Variants in PLCH1 observed in about 807,000 individuals in gnomAD.
PLCH1 encodes the protein 1-phosphatidylinositol 4,5-bisphosphate phosphodiesterase eta-1.
A neutral mutation model predicts 126.7 loss-of-function variants in PLCH1; 60 were observed. The ratio of observed to expected loss-of-function variants is 0.47; its 90% confidence interval spans 0.38 to 0.59. PLCH1 has a LOEUF of 0.59. Among genes scored for constraint, PLCH1 ranks in the 20% least tolerant of loss-of-function variants. The pLI is 0.00. For synonymous variants in PLCH1, 719 were observed against 734.9 expected (o/e 0.98, Z 0.35); for missense variants, 1,723 against 2,040.0 (o/e 0.84, Z 2.99).
chr3:155,573,013 G>A (rs1462935115), intron 6 of PLCH1, among the ~76,000 whole-genome samples: 1 of 152,136 alleles, frequency 6.6e-6, no homozygotes, highest in Non-Finnish European at 1.5e-5. Flanking sequence ...CTCCCAATGT[G>A]CTGGAATTTT....
chr3:155,740,158 C>G (rs751420619), intron 1 of PLCH1, among the ~76,000 whole-genome samples: 1 of 152,032 alleles, frequency 6.6e-6, no homozygotes, highest in Non-Finnish European at 1.5e-5. Flanking sequence ...GGCCTGTAAT[C>G]CCAGCACTTT....
At chr3:155,652,238 T>C (rs1740785905) in intron 2 of PLCH1, among the ~76,000 whole-genome samples, 1 of 152,208 alleles carries the variant, frequency 6.6e-6, no homozygotes. Context: ...GCTGTTCACA[T>C]TTTTTTGAGC....
Position 155,566,272 on chromosome 3 carries a change from CATATATACAT to C in PLCH1, c.866-1164_866-1155del, listed in dbSNP as rs1365141411. 2.7e-3 allele frequency among the ~76,000 whole-genome samples: 75 copies of C among 27,652 alleles called. 13 individuals are homozygous for C. In the East Asian group the frequency reaches 0.056, roughly 21 times the overall value. 18.1% of individuals were successfully genotyped at this position (27,652 alleles called of 152,430 possible). On this transcript the variant is annotated intron_variant, in intron 7 of 22. Coordinates refer to ENST00000460012, the MANE Select transcript of PLCH1 (RefSeq NM_014996.4). The stretch of plus-strand genomic sequence containing the variant: ...ATACGTATATATACACATATATATA[CATATATACAT>C]ATATATACGTATATATACACATATA...
intron 21 of PLCH1, among the ~76,000 whole-genome samples, chr3:155,468,512 C>A (rs1214702719): frequency 6.6e-6 from 1 of 152,042 alleles, no homozygotes; most frequent in Non-Finnish European, 1.5e-5. Context: ...TTCACCTACA[C>A]GGACACACAT....
intron 1 of PLCH1, among the ~76,000 whole-genome samples, chr3:155,712,130 T>C (rs1388058358): frequency 2.0e-5 from 3 of 152,234 alleles, no homozygotes; most frequent in Admixed American, 1.3e-4. Context: ...TACGTCAGCA[T>C]AGCAAAATGT....
intron 2 of PLCH1, among the ~76,000 whole-genome samples, chr3:155,684,775 A>T (rs908200278): frequency 6.6e-6 from 1 of 152,190 alleles, no homozygotes; most frequent in African/African-American, 2.4e-5. Context: ...CTCTACAGAA[A>T]TGAAAAATCA....
rs964253024 is a variant in PLCH1, at chr3:155,500,748, T to C, written c.1751A>G (p.Glu584Gly). The change falls in exon 14 of 23, where the codon GAA (glutamate) becomes GGA (glycine). Residue 584 changes from glutamate (E) to glycine (G), a missense_variant. Physicochemically the swap from Glu to Gly is moderately conservative, Grantham distance 98 (BLOSUM62 -2). Around this residue, in one of 2 missense-constraint regions of PLCH1, gnomAD observed 776 missense variants for 1,062.9 expected, o/e 0.73. Coordinates refer to ENST00000460012, the MANE Select transcript of PLCH1 (RefSeq NM_014996.4). ...RSKSYSTDDE[E>G]DTQQSTGKEG... ...CTTGCCAGTACTCTGCTGTGTGTCTTCCTCATCATCAGTACTGTAAGATTT... is the reference window on the plus strand; with the variant it reads ...CTTGCCAGTACTCTGCTGTGTGTCTCCCTCATCATCAGTACTGTAAGATTT... The C allele has an allele frequency of 1.9e-5, 31 of 1,613,696 alleles. No individual in the cohort carries two copies. Among genetic ancestry groups the C allele is most frequent in the Non-Finnish European group, 2.5e-5 (30 of 1,179,710 alleles).
In PLCH1 at chr3:155,480,032, T is replaced by C. The variant is rs1713774605; in HGVS notation, c.*936A>G. On this transcript the variant is annotated 3_prime_UTR_variant, in exon 23 of 23. Coordinates refer to ENST00000460012, the MANE Select transcript of PLCH1 (RefSeq NM_014996.4). ...AAAATAATGCATGTCAGTACTAAAATAGAGTTGCTTGGTTCCCTGAAGGAA... is the reference window on the plus strand; with the variant it reads ...AAAATAATGCATGTCAGTACTAAAACAGAGTTGCTTGGTTCCCTGAAGGAA... 6.6e-6 allele frequency: 1 copy of C among 152,342 alleles called. No homozygotes were observed. Among genetic ancestry groups the C allele is most frequent in the East Asian group, 1.9e-4 (1 of 5,186 alleles). 9.4% of individuals were successfully genotyped at this position (152,342 alleles called of 1,614,324 possible).
chr3:155,522,961 T>C (rs1576901143), intron 11 of PLCH1, among the ~76,000 whole-genome samples: 1 of 60,138 alleles, frequency 1.7e-5, no homozygotes, highest in Non-Finnish European at 3.0e-5. Flanking sequence ...TTTCTTTTTT[T>C]GCGGGGGGGG....
chr3:155,658,538 T>C (rs1209495564), intron 2 of PLCH1: 1 of 152,178 alleles, frequency 6.6e-6, no homozygotes, highest in Non-Finnish European at 1.5e-5. Flanking sequence ...GACTTGCACA[T>C]TTTACTAAAA....
intron 10 of PLCH1, among the ~76,000 whole-genome samples, chr3:155,543,259 G>A (rs188865554): frequency 2.3e-4 from 35 of 152,288 alleles, no homozygotes; most frequent in South Asian, 1.0e-3. Context: ...CTCAGGAGCC[G>A]ATGCAATCAA....
At chr3:155,545,183 C>T (rs1317124160) in intron 10 of PLCH1, among the ~76,000 whole-genome samples, 1 of 151,568 alleles carries the variant, frequency 6.6e-6, no homozygotes, top group Admixed American at 6.6e-5. Flanking sequence ...CAAATAGACG[C>T]AATAAAAAAT....
chr3:155,592,819 A>C (rs1249132399), intron 4 of PLCH1, among the ~76,000 whole-genome samples: 1 of 152,222 alleles, frequency 6.6e-6, no homozygotes, highest in Non-Finnish European at 1.5e-5. Flanking sequence ...TGTTTACCAA[A>C]TGTTAAAGAG....
At position 155,482,180 on chromosome 3, in the gene PLCH1, G is replaced by A; in HGVS notation, c.3846C>T (p.Asp1282=). 6 of 1,614,170 alleles carry A rather than the reference G, an allele frequency of 3.7e-6. No individual in the cohort carries two copies. Among genetic ancestry groups the A allele is most frequent in the Non-Finnish European group, 5.1e-6 (6 of 1,180,024 alleles). ...CCGCTGTCTTGGCCTTACTAGAAAGGTCATCATCTGGTTTGGTTTTAGAGA... is the reference window on the plus strand; with the variant it reads ...CCGCTGTCTTGGCCTTACTAGAAAGATCATCATCTGGTTTGGTTTTAGAGA... ...TPISKTKPDD[D]LSSKAKTAAL... is the part of the protein sequence containing the mutation. Residue 1282 remains aspartate, a synonymous_variant, in exon 23 of 23, where the codon GAC becomes GAT. Transcript: ENST00000460012.
chr3:155,627,759 G>A (rs1737505166), intron 2 of PLCH1, among the ~76,000 whole-genome samples: 2 of 140,118 alleles, frequency 1.4e-5, no homozygotes, highest in East Asian at 4.3e-4. Flanking sequence ...GCCAAAAAAA[G>A]TTATCGGAGA....
intron 2 of PLCH1, among the ~76,000 whole-genome samples, chr3:155,628,732 G>A (rs1315332939): frequency 6.6e-6 from 1 of 152,074 alleles, no homozygotes; most frequent in African/African-American, 2.4e-5. Context: ...TCTACAATAG[G>A]CTTGGAAATT....
chr3:155,688,430 AC>A (rs891108276), intron 2 of PLCH1, among the ~76,000 whole-genome samples: 21 of 152,234 alleles, frequency 1.4e-4, no homozygotes, highest in African/African-American at 5.1e-4. Flanking sequence ...TTTAGAATTA[AC>A]CCCCAGGAGC....
chr3:155,653,721 C>T (rs1448359174), intron 2 of PLCH1, among the ~76,000 whole-genome samples: 2 of 152,058 alleles, frequency 1.3e-5, no homozygotes, highest in African/African-American at 2.4e-5. Context: ...CTAATTTCAC[C>T]AATAGAAGAA....
intron 21 of PLCH1, chr3:155,457,535 C>T (rs1409236737): frequency 6.6e-6 from 1 of 152,226 alleles, no homozygotes; most frequent in African/African-American, 2.4e-5. Context: ...AAAATTTTCC[C>T]TGACCAGGCC....
Sources: gnomAD v4.1 joint callset for allele counts (sites outside exome capture counted in the v4.1 genomes callset) on GRCh38, gnomAD v4.1.1 for gene constraint, gnomAD v4.1.1 regional missense constraint, MANE v1.5 for transcripts, NCBI Gene and HGNC (gene_info 2026-07-23, HGNC 2026-07-21) for gene names.